Variants in AGGF1 observed in about 807,000 individuals in gnomAD.
AGGF1 encodes angiogenic factor with G-patch and FHA domains 1, also known as angiogenic factor with G patch and FHA domains 1.
AGGF1 carries 56 observed loss-of-function variants against 86.5 expected under a neutral mutation model. The ratio of observed to expected loss-of-function variants is 0.65; its 90% confidence interval spans 0.52 to 0.81. The LOEUF (loss-of-function observed/expected upper bound fraction) is 0.81, where lower values mean the gene tolerates loss of function less well. AGGF1 is among the 30% of genes least tolerant of loss of function. The pLI, the probability that AGGF1 is intolerant of heterozygous loss-of-function variation, is 0.00. For synonymous variants in AGGF1, 313 were observed against 297.1 expected (o/e 1.05, Z -0.55); for missense variants, 816 against 850.9 (o/e 0.96, Z 0.51).
chr5:77,057,685 T>C (rs931962214), intron 11 of AGGF1, among the ~76,000 whole-genome samples: 3 of 152,208 alleles, frequency 2.0e-5, no homozygotes. Context: ...GAAAGCTGCC[T>C]TCTGGGTGAA....
At chr5:77,061,595 G>A (rs1215978297) in intron 12 of AGGF1, 108 bp from the exon 13 acceptor site, 3 of 1,061,812 alleles carry the variant, frequency 2.8e-6, no homozygotes, top group Admixed American at 1.8e-5. Flanking sequence ...GTAATGCCAA[G>A]CGGTTTTCTA....
chr5:77,054,233 C>A (rs764008786), intron 10 of AGGF1, 103 bp downstream of exon 10: 4 of 1,328,420 alleles, frequency 3.0e-6, no homozygotes, highest in African/African-American at 1.4e-5. Context: ...CTAATTGATA[C>A]GATACTGCAT....
Position 77,064,060 on chromosome 5 carries a change from A to G in AGGF1, c.*808A>G, listed in dbSNP as rs866977822. ...CAAGCTCAAGATACTTATTGAAAACATCCTCAATTGCAATAAAAACATTAT... is the reference window on the plus strand; with the variant it reads ...CAAGCTCAAGATACTTATTGAAAACGTCCTCAATTGCAATAAAAACATTAT... On this transcript the variant is annotated 3_prime_UTR_variant, in exon 14 of 14. Coordinates refer to ENST00000312916, the MANE Select transcript of AGGF1 (RefSeq NM_018046.5). 2.0e-5 allele frequency: 3 copies of G among 152,690 alleles called. No individual in the cohort carries two copies. The highest frequency in any genetic ancestry group is 6.5e-5 in the Admixed American group (1 of 15,288). The allele number at this position is 152,690 out of a possible 1,614,324, so 9.5% of individuals were successfully genotyped here. A position where few individuals can be genotyped will look rare whatever the true frequency, so the allele number is the denominator to read the frequency against.
At chr5:77,057,789 G>A (rs1206816057) in intron 11 of AGGF1, among the ~76,000 whole-genome samples, 1 of 152,134 alleles carries the variant, frequency 6.6e-6, no homozygotes, top group African/African-American at 2.4e-5. Context: ...GTTATTTGAC[G>A]CACTGGGCTA....
Position 77,039,707 on chromosome 5 carries a change from A to G in AGGF1, c.858A>G (p.Thr286=). Residue 286 remains threonine (T), a synonymous_variant, in exon 5 of 14, where the codon ACA becomes ACG. Coordinates refer to ENST00000312916, the MANE Select transcript of AGGF1 (RefSeq NM_018046.5). ...KKRKDPDSSA[T]NEEKDLNSED... ...GAAAAGATCCAGATTCTTCTGCAACAAATGAGGAAAAGGTAATGTCTTTAC... is the reference window on the plus strand; with the variant it reads ...GAAAAGATCCAGATTCTTCTGCAACGAATGAGGAAAAGGTAATGTCTTTAC... 6.2e-7 allele frequency: 1 copy of G among 1,611,344 alleles called. No individual in the cohort carries two copies. Among genetic ancestry groups the G allele is most frequent in the Non-Finnish European group, 8.5e-7 (1 of 1,178,400 alleles).
chr5:77,050,638 A>G (rs1470139823), intron 8 of AGGF1, among the ~76,000 whole-genome samples: 1 of 152,214 alleles, frequency 6.6e-6, no homozygotes, highest in Non-Finnish European at 1.5e-5. Context: ...AAAAACAAGT[A>G]TTTGACCACT....
intron 8 of AGGF1, among the ~76,000 whole-genome samples, chr5:77,049,548 CTTTT>C (rs759329284): frequency 1.5e-5 from 2 of 130,638 alleles, no homozygotes; most frequent in Admixed American, 7.8e-5. Flanking sequence ...TATATTTTTA[CTTTT>C]TTTTTTTTTT....
intron 5 of AGGF1, among the ~76,000 whole-genome samples, chr5:77,043,718 G>GCGGAGA (rs1385651084): frequency 3.4e-4 from 47 of 139,928 alleles, no homozygotes; most frequent in Admixed American, 8.4e-4. Context: ...TGGCTGCCGG[G>GCGGAGA]CGGAGACGCT....
Position 77,049,207 on chromosome 5 carries a change from GA to G in AGGF1, c.1365+221del, listed in dbSNP as rs543964566. 3.6e-3 allele frequency among the ~76,000 whole-genome samples: 541 copies of G among 152,202 alleles called. 1 individual carries two copies. The highest frequency in any genetic ancestry group is 0.012 in the African/African-American group (503 of 41,534). The stretch of plus-strand genomic sequence containing the variant: ...AATTATGTTTATTTTTAAGAATCTG[GA>G]CAAGAGTAGAAAGCATATGAAGTCT... On this transcript the variant is annotated intron_variant, in intron 8 of 13. Transcript: ENST00000312916.
intron 5 of AGGF1, among the ~76,000 whole-genome samples, chr5:77,042,482 G>A (rs1747116794): frequency 3.2e-5 from 2 of 62,606 alleles, no homozygotes; most frequent in South Asian, 8.0e-4. Context: ...CGGCTGGCCG[G>A]GCGGGGGGCT....
rs758575651 is a variant in AGGF1 at position 77,052,816 on chromosome 5, A to G, written c.1467+9A>G. Reference sequence around the variant, plus strand: ...GAAAACAGATTCTTCAGGTGAGTGTATATGTGTTAATTTGTTACCTGCACA... The same window carrying G: ...GAAAACAGATTCTTCAGGTGAGTGTGTATGTGTTAATTTGTTACCTGCACA... On this transcript the variant is annotated intron_variant, in intron 9 of 13. Transcript: ENST00000312916. 3.8e-6 allele frequency: 6 copies of G among 1,596,310 alleles called. No homozygotes were observed. The highest frequency in any genetic ancestry group is 2.2e-5 in the East Asian group (1 of 44,684).
chr5:77,040,377 T>G (rs1747051371), intron 5 of AGGF1, among the ~76,000 whole-genome samples: 1 of 150,218 alleles, frequency 6.7e-6, no homozygotes, highest in African/African-American at 2.5e-5. Context: ...CCCAAAGTGC[T>G]GAGATTACAG....
chr5:77,044,612 T>C (rs1747210701), intron 5 of AGGF1, among the ~76,000 whole-genome samples: 1 of 152,158 alleles, frequency 6.6e-6, no homozygotes, highest in South Asian at 2.1e-4. Flanking sequence ...AAGTAATAAA[T>C]ATACAAGATT....
chr5:77,053,631 C>G (rs575566719), intron 9 of AGGF1, among the ~76,000 whole-genome samples: 2 of 152,216 alleles, frequency 1.3e-5, no homozygotes, highest in East Asian at 3.9e-4. Flanking sequence ...ATGCATTTAT[C>G]CCATTCTCTT....
At chr5:77,055,690 A>AT in intron 11 of AGGF1, 94 bp downstream of exon 11, 1 of 845,142 alleles carries the variant, frequency 1.2e-6, no homozygotes. Flanking sequence ...TTATATATAA[A>AT]TAGTTGTGTA....
chr5:77,036,824 A>T, intron 4 of AGGF1, 104 bp downstream of exon 4: 1 of 1,277,210 alleles, frequency 7.8e-7, no homozygotes, highest in Admixed American at 1.8e-5. Context: ...TGCAACTTTC[A>T]CCCCCCAGGT....
chr5:77,030,778 G>A lies in AGGF1; in HGVS notation c.12G>A (p.Glu4=), dbSNP rs1244936736. ...TCGCGCCGGAGCTCATGGCCTCGGA[G>A]GCGCCGTCCCCGCCGCGGTCGCCGC... The part of the protein sequence containing the change: MAS[E]APSPPRSPPP... The change falls in exon 1 of 14, where the codon GAG becomes GAA. Residue 4 remains glutamate (E), a synonymous_variant. Coordinates refer to ENST00000312916, the MANE Select transcript of AGGF1 (RefSeq NM_018046.5). 2 of 1,578,664 alleles carry A rather than the reference G, an allele frequency of 1.3e-6. No homozygotes were observed. Among genetic ancestry groups the A allele is most frequent in the Non-Finnish European group, 1.7e-6 (2 of 1,168,018 alleles).
intron 1 of AGGF1, 67 bp downstream of exon 1, chr5:77,031,043 C>G (rs1317686968): frequency 6.5e-7 from 1 of 1,546,922 alleles, no homozygotes; most frequent in East Asian, 2.2e-5. Flanking sequence ...CCGTGATAGC[C>G]TCGGAAGGGG....
Position 77,046,586 on chromosome 5 carries a change from A to G in AGGF1, c.1110A>G (p.Glu370=), listed in dbSNP as rs1463362673. 1 of 1,613,880 alleles carries G rather than the reference A, an allele frequency of 6.2e-7. No homozygotes were observed. The highest frequency in any genetic ancestry group is 1.1e-5 in the South Asian group (1 of 91,054). The change falls in exon 6 of 14, where the codon GAA becomes GAG. Residue 370 remains glutamate (E), a synonymous_variant. Transcript: ENST00000312916. ...TGGAGACTGATAGTGAACCAGAGGA[A>G]GGTGAAATTACAGACTCTCAGACTG... The part of the protein sequence containing the change: ...KIMETDSEPE[E]GEITDSQTED...
Sources: gnomAD v4.1 joint callset for allele counts (sites outside exome capture counted in the v4.1 genomes callset) on GRCh38, gnomAD v4.1.1 for gene constraint, MANE v1.5 for transcripts, NCBI Gene and HGNC (gene_info 2026-07-23, HGNC 2026-07-21) for gene names.